The following CHRM3 variants were observed in gnomAD, a reference collection of about 807,000 sequenced individuals.
The protein encoded by CHRM3 is muscarinic acetylcholine receptor M3.
Under a neutral mutation model 41.8 loss-of-function variants are expected in CHRM3, and 11 were observed. The ratio of observed to expected loss-of-function variants is 0.26; its 90% confidence interval spans 0.17 to 0.44. CHRM3 has a LOEUF of 0.44. Among genes scored for constraint, CHRM3 ranks in the 20% least tolerant of loss-of-function variants. The probability of loss-of-function intolerance (pLI) is 1.00; values close to 1 mark genes in which losing one functional copy is unlikely to be tolerated. For synonymous variants in CHRM3, 297 were observed against 301.4 expected (o/e 0.99, Z 0.15); for missense variants, 571 against 745.4 (o/e 0.77, Z 2.72).
intron 2 of CHRM3, among the ~76,000 whole-genome samples, chr1:239,506,194 T>C (rs1668559810): frequency 6.6e-6 from 1 of 152,180 alleles, no homozygotes; most frequent in African/African-American, 2.4e-5. Flanking sequence ...GCATAAGTAA[T>C]GAGGAGTTGA....
chr1:239,784,036 G>T (rs1668706876), intron 5 of CHRM3, among the ~76,000 whole-genome samples: 1 of 152,182 alleles, frequency 6.6e-6, no homozygotes, highest in Non-Finnish European at 1.5e-5. Context: ...CAAAGGACAT[G>T]ATTTCGTTCT....
At chr1:239,875,976 C>T (rs1466926676) in intron 6 of CHRM3, among the ~76,000 whole-genome samples, 2 of 152,154 alleles carry the variant, frequency 1.3e-5, no homozygotes, top group Non-Finnish European at 2.9e-5. Flanking sequence ...AATAGCATCC[C>T]TTATAATAGA....
chr1:239,425,431 C>T (rs1422768142), intron 1 of CHRM3, among the ~76,000 whole-genome samples: 1 of 150,934 alleles, frequency 6.6e-6, no homozygotes, highest in Non-Finnish European at 1.5e-5. Flanking sequence ...GCTTTTCTTA[C>T]CAAAGTAAAA....
intron 3 of CHRM3, among the ~76,000 whole-genome samples, chr1:239,602,816 C>T (rs1455354495): frequency 6.6e-6 from 1 of 151,910 alleles, no homozygotes; most frequent in Admixed American, 6.6e-5. Context: ...ATAATATTTT[C>T]CATATTAACA....
chr1:239,721,761 T>G (rs929218629), intron 5 of CHRM3, among the ~76,000 whole-genome samples: 1 of 151,958 alleles, frequency 6.6e-6, no homozygotes, highest in Non-Finnish European at 1.5e-5. Flanking sequence ...CTTTACTATA[T>G]AATCTGATTC....
intron 1 of CHRM3, among the ~76,000 whole-genome samples, chr1:239,404,464 A>G (rs554403509): frequency 7.9e-6 from 1 of 125,906 alleles, no homozygotes; most frequent in Non-Finnish European, 1.7e-5. Context: ...GAAAGAAAGA[A>G]AGAAAAAGAA....
At chr1:239,687,849 C>T (rs941782177) in intron 5 of CHRM3, among the ~76,000 whole-genome samples, 4 of 152,130 alleles carry the variant, frequency 2.6e-5, no homozygotes, top group African/African-American at 9.7e-5. Flanking sequence ...TCCCATATAA[C>T]CTAGGTATGT....
chr1:239,586,789 C>T (rs1663454783), intron 3 of CHRM3, among the ~76,000 whole-genome samples: 1 of 152,072 alleles, frequency 6.6e-6, no homozygotes, highest in South Asian at 2.1e-4. Flanking sequence ...GTGATGTTTC[C>T]TGAGCTACAC....
chr1:239,583,997 TG>T, intron 3 of CHRM3, among the ~76,000 whole-genome samples: 1 of 152,134 alleles, frequency 6.6e-6, no homozygotes, highest in East Asian at 1.9e-4. Flanking sequence ...CCTTGTCAGC[TG>T]GGGGAACGCA....
chr1:239,623,066 T>A (rs566159745), intron 3 of CHRM3, among the ~76,000 whole-genome samples: 1 of 151,928 alleles, frequency 6.6e-6, no homozygotes, highest in Non-Finnish European at 1.5e-5. Flanking sequence ...AAAAAAAAAA[T>A]TATAACTCTA....
rs536867704 is a variant in CHRM3, at chr1:239,690,600, A to G, written c.-147+12312A>G. Among the ~76,000 whole-genome samples, 191 of 152,136 alleles carry G rather than the reference A, an allele frequency of 1.3e-3. 2 individuals carry two copies. Among genetic ancestry groups the G allele is most frequent in the Middle Eastern group, 6.8e-3 (2 of 294 alleles). On this transcript the variant is annotated intron_variant, in intron 5 of 6. Coordinates refer to ENST00000676153, the MANE Select transcript of CHRM3 (RefSeq NM_001375978.1). ...AAAGGGGCTACATTAACATAAATTG[A>G]GCATATTTAACACAAATTACTTTCT...
chr1:239,592,494 T>C (rs1418987850), intron 3 of CHRM3, among the ~76,000 whole-genome samples: 1 of 152,154 alleles, frequency 6.6e-6, no homozygotes, highest in South Asian at 2.1e-4. Context: ...TCTATAGATA[T>C]CCCTATTTTT....
chr1:239,575,911 A>G (rs1662291876), intron 3 of CHRM3, among the ~76,000 whole-genome samples: 1 of 152,106 alleles, frequency 6.6e-6, no homozygotes, highest in Admixed American at 6.5e-5. Flanking sequence ...AAAACTTTTC[A>G]TCTTGTAGAA....
chr1:239,612,601 C>T (rs939077181), intron 3 of CHRM3, among the ~76,000 whole-genome samples: 1 of 152,170 alleles, frequency 6.6e-6, no homozygotes, highest in African/African-American at 2.4e-5. Flanking sequence ...TCAACTTGGA[C>T]AGGGTAGCAT....
intron 4 of CHRM3, among the ~76,000 whole-genome samples, chr1:239,650,537 T>C (rs1408623611): frequency 1.3e-5 from 2 of 152,230 alleles, no homozygotes; most frequent in East Asian, 1.9e-4. Flanking sequence ...CTAAGGAAGA[T>C]TGGGAGAGAG....
At chr1:239,814,723 G>A (rs905507066) in intron 5 of CHRM3, among the ~76,000 whole-genome samples, 6 of 152,020 alleles carry the variant, frequency 3.9e-5, no homozygotes, top group African/African-American at 9.7e-5. Flanking sequence ...GGTGACTCAC[G>A]GTCAGGTCAG....
At chr1:239,887,245 A>G (rs550116196) in intron 6 of CHRM3, among the ~76,000 whole-genome samples, 21 of 151,962 alleles carry the variant, frequency 1.4e-4, no homozygotes, top group African/African-American at 5.1e-4. Flanking sequence ...TCTGTCACTC[A>G]GGCTGGAGTG....
intron 5 of CHRM3, among the ~76,000 whole-genome samples, chr1:239,740,993 T>G (rs1664800105): frequency 6.6e-6 from 1 of 152,222 alleles, no homozygotes; most frequent in Non-Finnish European, 1.5e-5. Flanking sequence ...TATTTTTTCC[T>G]TATGTATTCA....
intron 6 of CHRM3, among the ~76,000 whole-genome samples, chr1:239,845,083 T>C (rs10925989): frequency 0.049 from 7,508 of 152,254 alleles, 626 homozygotes; most frequent in African/African-American, 0.17. Context: ...TATTTGCAGA[T>C]AAGAGATTGT....
Sources: gnomAD v4.1 joint callset for allele counts (sites outside exome capture counted in the v4.1 genomes callset) on GRCh38, gnomAD v4.1.1 for gene constraint, MANE v1.5 for transcripts, NCBI Gene and HGNC (gene_info 2026-07-23, HGNC 2026-07-21) for gene names.